Variants in CNGB3 observed in about 807,000 individuals in gnomAD.
CNGB3 encodes the protein cyclic nucleotide-gated channel beta-3.
CNGB3 carries 86 observed loss-of-function variants against 92.8 expected under a neutral mutation model. The observed-to-expected ratio is 0.93, with a 90% CI of 0.78 to 1.11. The LOEUF is 1.11. CNGB3 is among the 50% of genes least tolerant of loss of function. The pLI is 0.00. For missense variants in CNGB3, 1,026 were observed against 956.8 expected, an observed-to-expected ratio of 1.07 and a Z score of -0.95; for synonymous variants, 333 against 332.7, an observed-to-expected ratio of 1.00 and a Z score of -0.01.
intron 3 of CNGB3, among the ~76,000 whole-genome samples, chr8:86,726,045 T>C (rs1825055892): frequency 6.6e-6 from 1 of 152,202 alleles, no homozygotes; most frequent in South Asian, 2.1e-4. Context: ...GTTCCTTCAG[T>C]GGCATAAAGA....
chr8:86,703,936 A>T (rs887188262), intron 3 of CNGB3: 54 of 152,276 alleles, frequency 3.5e-4, no homozygotes, highest in African/African-American at 1.3e-3. Context: ...AAAAACTAAT[A>T]TTTCTTATTA....
At chr8:86,596,947 G>A (rs1259568695) in intron 15 of CNGB3, among the ~76,000 whole-genome samples, 1 of 149,654 alleles carries the variant, frequency 6.7e-6, no homozygotes. Context: ...AACACCACAT[G>A]TTCTCACTCA....
At position 86,692,566 on chromosome 8, in the gene CNGB3, C is replaced by T. The variant is rs115839782; in HGVS notation, c.339-21468G>A. ...GCTACTCCTGGTTGCCTTTGTTGCC[C>T]ATTTGCATGGAATGTCTTTTTTCAC... On this transcript the variant is annotated intron_variant, in intron 3 of 17. Coordinates refer to ENST00000320005, the MANE Select transcript of CNGB3 (RefSeq NM_019098.5). Among the ~76,000 whole-genome samples, 448 of 152,178 alleles carry T rather than the reference C, an allele frequency of 2.9e-3. 1 individual carries two copies. The highest frequency in any genetic ancestry group is 0.01 in the African/African-American group (424 of 41,530).
chr8:86,664,822 C>G (rs1358026802), intron 6 of CNGB3, among the ~76,000 whole-genome samples: 2 of 151,986 alleles, frequency 1.3e-5, no homozygotes, highest in East Asian at 3.9e-4. Flanking sequence ...TTGTGATTTG[C>G]CCATATCTGT....
rs539854246 is a variant in CNGB3 at position 86,645,309 on chromosome 8, CTCCTACT to C, written c.991-630_991-624del. 9.3e-4 allele frequency among the ~76,000 whole-genome samples: 141 copies of C among 151,168 alleles called. 1 individual carries two copies. The highest frequency in any genetic ancestry group is 2.5e-3 in the African/African-American group (105 of 41,406). Reference sequence around the variant, plus strand: ...TCTCAACCTTTTCTGCCTGCATGCACTCCTACTTCCTACTTCCTACTTCCTACTTCCT... The same window carrying C: ...TCTCAACCTTTTCTGCCTGCATGCACTCCTACTTCCTACTTCCTACTTCCT... On this transcript the variant is annotated intron_variant, in intron 8 of 17. Coordinates refer to ENST00000320005, the MANE Select transcript of CNGB3 (RefSeq NM_019098.5).
chr8:86,640,050 G>A (rs996802443), intron 10 of CNGB3, among the ~76,000 whole-genome samples: 2 of 151,978 alleles, frequency 1.3e-5, no homozygotes, highest in African/African-American at 2.4e-5. Flanking sequence ...GCAAGATTCT[G>A]TTTGTACCCA....
chr8:86,658,666 C>A, intron 6 of CNGB3: 1 of 363,420 alleles, frequency 2.8e-6, no homozygotes, highest in East Asian at 6.6e-5. Context: ...TCTACCATCT[C>A]CTTCAGCTCA....
At chr8:86,643,077 T>C (rs1301051986) in intron 10 of CNGB3, among the ~76,000 whole-genome samples, 1 of 150,818 alleles carries the variant, frequency 6.6e-6, no homozygotes, top group Non-Finnish European at 1.5e-5. Context: ...AAAAAATGCA[T>C]TTCACAGGCC....
intron 3 of CNGB3, among the ~76,000 whole-genome samples, chr8:86,721,902 A>T (rs1215945857): frequency 2.0e-5 from 3 of 152,188 alleles, no homozygotes; most frequent in Non-Finnish European, 4.4e-5. Context: ...AGTGTTTATG[A>T]GTGGTGATAA....
chr8:86,648,841 A>C (rs902465769), intron 7 of CNGB3, among the ~76,000 whole-genome samples: 1 of 151,346 alleles, frequency 6.6e-6, no homozygotes, highest in Non-Finnish European at 1.5e-5. Flanking sequence ...GGGCATTCAC[A>C]TCAAAAAAGA....
At chr8:86,695,934 C>T (rs1044609075) in intron 3 of CNGB3, among the ~76,000 whole-genome samples, 31 of 152,014 alleles carry the variant, frequency 2.0e-4, no homozygotes, top group African/African-American at 7.5e-4. Context: ...TCCAGCCACC[C>T]AGTAGGGCTA....
intron 6 of CNGB3, among the ~76,000 whole-genome samples, chr8:86,655,726 T>G (rs1441244): frequency 0.066 from 9,999 of 152,248 alleles, 1,090 homozygotes; most frequent in African/African-American, 0.22. Flanking sequence ...ATTTCCTCAG[T>G]TCCTAACACA....
intron 10 of CNGB3, among the ~76,000 whole-genome samples, chr8:86,640,440 G>A (rs1004884893): frequency 1.3e-5 from 2 of 152,070 alleles, no homozygotes; most frequent in Non-Finnish European, 2.9e-5. Context: ...GAGAAAGAGA[G>A]ATAGCTAAAT....
In CNGB3 at chr8:86,666,924, C is replaced by G. The variant is rs1201521544; in HGVS notation, c.852+1G>C. 5 of 1,611,016 alleles carry G rather than the reference C, an allele frequency of 3.1e-6. No individual in the cohort carries two copies. In the Admixed American group the frequency reaches 5.0e-5, roughly 16 times the overall value. ...TTCTGCCTTTCCCGAACCCCACTTACTATTATGTCTCCTCCTCTTACAAAC... is the reference window on the plus strand; with the variant it reads ...TTCTGCCTTTCCCGAACCCCACTTAGTATTATGTCTCCTCCTCTTACAAAC... On this transcript the variant is annotated splice_donor_variant, in intron 6 of 17. Transcript: ENST00000320005. LOFTEE classifies it high-confidence loss of function.
chr8:86,668,075 G>T lies in CNGB3; in HGVS notation c.587C>A (p.Pro196His), dbSNP rs754540285. 4 of 1,613,850 alleles carry T rather than the reference G, an allele frequency of 2.5e-6. No individual in the cohort carries two copies. In the South Asian group the frequency reaches 4.4e-5, roughly 18 times the overall value. Residue 196 changes from proline (P) to histidine (H), a missense_variant, in exon 5 of 18, where the codon CCT becomes CAT. Physicochemically the swap from Pro to His is moderately conservative, Grantham distance 77 (BLOSUM62 -2). Coordinates refer to ENST00000320005, the MANE Select transcript of CNGB3 (RefSeq NM_019098.5). Reference sequence around the variant, plus strand: ...AATTCGCTTTAAGTACTCTGTTAAAGGCATCTTTTTGACTTTGAACCACAA... The same window carrying T: ...AATTCGCTTTAAGTACTCTGTTAAATGCATCTTTTTGACTTTGAACCACAA... ...RLLWFKVKKM[P>H]LTEYLKRIKL...
At chr8:86,642,104 G>A (rs1430377337) in intron 10 of CNGB3, among the ~76,000 whole-genome samples, 1 of 151,256 alleles carries the variant, frequency 6.6e-6, no homozygotes, top group Admixed American at 6.6e-5. Flanking sequence ...TTAACACTGA[G>A]CTTAACACTG....
intron 3 of CNGB3, among the ~76,000 whole-genome samples, chr8:86,672,295 C>T (rs1162313937): frequency 2.0e-5 from 3 of 152,154 alleles, no homozygotes; most frequent in African/African-American, 2.4e-5. Context: ...GACTGGGTCT[C>T]ACCATGTTGG....
intron 6 of CNGB3, chr8:86,661,559 A>G (rs1823640587): frequency 5.5e-6 from 4 of 721,514 alleles, no homozygotes; most frequent in Non-Finnish European, 1.0e-5. Flanking sequence ...AATTTTCTCT[A>G]ATGTTGCCAA....
At chr8:86,726,396 G>GT (rs943187169) in intron 3 of CNGB3, 135 bp downstream of exon 3, 1 of 1,249,576 alleles carries the variant, frequency 8.0e-7, no homozygotes, top group Non-Finnish European at 1.2e-6. Context: ...TTCTGACACA[G>GT]TTTTTTTGTG....
Sources: gnomAD v4.1 joint callset for allele counts (sites outside exome capture counted in the v4.1 genomes callset) on GRCh38, gnomAD v4.1.1 for gene constraint, MANE v1.5 for transcripts, NCBI Gene and HGNC (gene_info 2026-07-23, HGNC 2026-07-21) for gene names.